The following CLEC10A variants were observed in gnomAD, a reference collection of about 807,000 sequenced individuals.
CLEC10A encodes C-type lectin domain containing 10A, also known as C-type lectin domain family 10 member A.
CLEC10A carries 38 observed loss-of-function variants against 42.0 expected under a neutral mutation model. The ratio of observed to expected loss-of-function variants is 0.90; its 90% CI spans 0.70 to 1.18. CLEC10A has a LOEUF of 1.18. Ranked by LOEUF, CLEC10A falls within the 50% of genes most tolerant of loss-of-function variation. The pLI, the probability that CLEC10A is intolerant of heterozygous loss-of-function variation, is 0.00. For synonymous variants in CLEC10A, 126 were observed against 139.9 expected, an observed-to-expected ratio of 0.90 and a Z score of 0.70; for missense variants, 298 against 345.9, an observed-to-expected ratio of 0.86 and a Z score of 1.10.
In CLEC10A at chr17:7,078,132, T is replaced by C. The variant is rs1315536748; in HGVS notation, c.68-19A>G. ...AGTGGCCCTGCAAGAGGAGAGAGTG[T>C]CAGGATGAGGAGGGTCCAGACACCG... On this transcript the variant is annotated intron_variant, in intron 2 of 8. Coordinates refer to ENST00000416562, the MANE Select transcript of CLEC10A (RefSeq NM_001330070.2). 2 of 1,580,912 alleles carry C rather than the reference T, an allele frequency of 1.3e-6. No individual in the cohort carries two copies. Among genetic ancestry groups the C allele is most frequent in the African/African-American group, 2.7e-5 (2 of 73,326 alleles).
intron 5 of CLEC10A, 40 bp from the exon 6 acceptor site, chr17:7,076,111 GGT>G (rs749763987): frequency 1.2e-6 from 2 of 1,614,118 alleles, no homozygotes; most frequent in Admixed American, 3.3e-5. Flanking sequence ...CAGTGGCCTA[GGT>G]GTGCCTTCTG....
chr17:7,075,146 G>C lies in CLEC10A; in HGVS notation c.778C>G (p.Pro260Ala). Residue 260 changes from proline to alanine, a missense_variant, in exon 9 of 9, where the codon CCA (proline) becomes GCA (alanine). Pro to Ala is a conservative substitution (Grantham distance 27). This residue lies in a region of CLEC10A where 267 missense variants were observed against 289.5 expected (regional missense o/e 0.92). Transcript: ENST00000416562. Reference protein sequence around the residue: ...GGGEDCAHFHPDGRWNDDVCQ... With the variant: ...GGGEDCAHFHADGRWNDDVCQ... ...ACGTCGTCATTCCACCTGCCGTCTG[G>C]ATGGAAGTGAGCACAGTCCTCGCCT... 6.2e-7 allele frequency: 1 copy of C among 1,608,804 alleles called. No individual in the cohort carries two copies. The highest frequency in any genetic ancestry group is 1.7e-4 in the Middle Eastern group (1 of 6,038).
intron 1 of CLEC10A, 32 bp from the exon 2 acceptor site, chr17:7,078,917 G>A (rs931945086): frequency 3.0e-6 from 3 of 1,014,846 alleles, no homozygotes; most frequent in Non-Finnish European, 4.7e-6. Context: ...CTAAGTTGGA[G>A]CCAAGGGCAG....
Position 7,074,949 on chromosome 17 carries a change from C to T in CLEC10A, c.*105G>A. 1.2e-6 allele frequency: 1 copy of T among 858,848 alleles called. No homozygotes were observed. The highest frequency in any genetic ancestry group is 3.0e-5 in the East Asian group (1 of 33,800). The allele number at this position is 858,848 out of a possible 1,614,324, so 53.2% of individuals were successfully genotyped here. On this transcript the variant is annotated 3_prime_UTR_variant, in exon 9 of 9. Coordinates refer to ENST00000416562, the MANE Select transcript of CLEC10A (RefSeq NM_001330070.2). ...TCAAAATGTTAGCAGTGCTTCCAAT[C>T]TCCCAGTGCTTATTTCTCTCCCAGA...
At chr17:7,075,263 G>A (rs2151683212) in intron 8 of CLEC10A, 41 bp from the exon 9 acceptor site, 1 of 1,511,172 alleles carries the variant, frequency 6.6e-7, no homozygotes, top group Non-Finnish European at 8.8e-7. Flanking sequence ...AGGGTAGATG[G>A]AGTAGAATTC....
chr17:7,078,756 C>A lies in CLEC10A; in HGVS notation c.57G>T (p.Gly19=), dbSNP rs2151688672. ...QYLENKVKVQ[G]FKNGPLPLQS... ...CCCCTTTCCTCTTACCATTTTTAAA[C>A]CCCTGGACTTTCACCTTATTCTCCA... Residue 19 remains glycine (G), a synonymous_variant, in exon 2 of 9, where the codon GGG becomes GGT. Transcript: ENST00000416562. 6.2e-7 allele frequency: 1 copy of A among 1,614,092 alleles called. No homozygotes were observed. Among genetic ancestry groups the A allele is most frequent in the African/African-American group, 1.3e-5 (1 of 75,040 alleles).
Position 7,074,946 on chromosome 17 carries a change from A to G in CLEC10A, c.*108T>C. The G allele has an allele frequency of 1.2e-6, 1 of 830,118 alleles. No individual in the cohort carries two copies. Among genetic ancestry groups the G allele is most frequent in the Non-Finnish European group, 1.7e-6 (1 of 573,172 alleles). The allele number at this position is 830,118 out of a possible 1,614,324, so 51.4% of individuals were successfully genotyped here. A position where few individuals can be genotyped will look rare whatever the true frequency, so the allele number is the denominator to read the frequency against. ...AATTCAAAATGTTAGCAGTGCTTCC[A>G]ATCTCCCAGTGCTTATTTCTCTCCC... On this transcript the variant is annotated 3_prime_UTR_variant, in exon 9 of 9. Transcript: ENST00000416562.
rs1477592831 is a variant in CLEC10A at position 7,078,196 on chromosome 17, G to A, written c.68-83C>T. 2.4e-5 allele frequency: 25 copies of A among 1,051,762 alleles called. No individual in the cohort carries two copies. In the East Asian group the frequency reaches 5.6e-4, roughly 24 times the overall value. 65.2% of individuals were successfully genotyped at this position (1,051,762 alleles called of 1,614,324 possible). ...GAGAGGGCCCAGGGAGCTGTCTAGTGAGGAGGGCTGGGCACAGGGGACTCC... is the reference window on the plus strand; with the variant it reads ...GAGAGGGCCCAGGGAGCTGTCTAGTAAGGAGGGCTGGGCACAGGGGACTCC... On this transcript the variant is annotated intron_variant, in intron 2 of 8. Coordinates refer to ENST00000416562, the MANE Select transcript of CLEC10A (RefSeq NM_001330070.2).
At chr17:7,076,447 A>T (rs2151684964) in intron 5 of CLEC10A, among the ~76,000 whole-genome samples, 1 of 150,736 alleles carries the variant, frequency 6.6e-6, no homozygotes, top group African/African-American at 2.4e-5. Flanking sequence ...AGTAGCTGAG[A>T]TTACAGGCGC....
intron 2 of CLEC10A, among the ~76,000 whole-genome samples, 155 bp from the exon 3 acceptor site, chr17:7,078,268 C>G (rs1911975540): frequency 1.3e-5 from 2 of 152,052 alleles, no homozygotes; most frequent in African/African-American, 4.8e-5. Flanking sequence ...GATGCCCAGG[C>G]CTTTGACTTC....
At chr17:7,076,662 A>G in intron 5 of CLEC10A, 71 bp downstream of exon 5, 1 of 1,527,574 alleles carries the variant, frequency 6.5e-7, no homozygotes, top group Admixed American at 1.7e-5. Flanking sequence ...GTTCAGCACC[A>G]GGAGTCTGTT....
Position 7,074,998 on chromosome 17 carries a change from G to C in CLEC10A, c.*56C>G. On this transcript the variant is annotated 3_prime_UTR_variant, in exon 9 of 9. Coordinates refer to ENST00000416562, the MANE Select transcript of CLEC10A (RefSeq NM_001330070.2). The stretch of plus-strand genomic sequence containing the variant: ...GAGCGGTCTTGCGAGGAGGTCGTGA[G>C]AAGAGTCCTCCTCCCACCGCCATTT... 1 of 1,425,572 alleles carries C rather than the reference G, an allele frequency of 7.0e-7. No homozygotes were observed. The highest frequency in any genetic ancestry group is 9.3e-7 in the Non-Finnish European group (1 of 1,077,394). 88.3% of individuals were successfully genotyped at this position (1,425,572 alleles called of 1,614,324 possible).
chr17:7,076,519 G>A (rs577235563), intron 5 of CLEC10A, among the ~76,000 whole-genome samples: 3 of 151,338 alleles, frequency 2.0e-5, no homozygotes, highest in East Asian at 2.0e-4. Context: ...TCACCATGTC[G>A]ATCAGGCTGC....
intron 3 of CLEC10A, among the ~76,000 whole-genome samples, chr17:7,077,462 C>A (rs1464430843): frequency 1.2e-5 from 1 of 83,302 alleles, no homozygotes; most frequent in East Asian, 3.7e-4. Context: ...CAGTGCCCCC[C>A]ACCATTCCCA....
intron 1 of CLEC10A, among the ~76,000 whole-genome samples, chr17:7,079,354 A>C (rs1020510349): frequency 2.0e-5 from 3 of 152,150 alleles, no homozygotes; most frequent in African/African-American, 7.2e-5. Flanking sequence ...AGACCGAAGC[A>C]GACAGATCAC....
chr17:7,077,974 C>A (rs150260737), intron 3 of CLEC10A, 23 bp downstream of exon 3: 4 of 1,544,898 alleles, frequency 2.6e-6, no homozygotes, highest in African/African-American at 2.8e-5. Context: ...TCTCTCTTCC[C>A]TGTCCACCCC....
In CLEC10A at chr17:7,074,955, G is replaced by A; in HGVS notation, c.*99C>T. Reference sequence around the variant, plus strand: ...TGTTAGCAGTGCTTCCAATCTCCCAGTGCTTATTTCTCTCCCAGAGCGGTC... The same window carrying A: ...TGTTAGCAGTGCTTCCAATCTCCCAATGCTTATTTCTCTCCCAGAGCGGTC... On this transcript the variant is annotated 3_prime_UTR_variant, in exon 9 of 9. Transcript: ENST00000416562. 1 of 945,046 alleles carries A rather than the reference G, an allele frequency of 1.1e-6. No individual in the cohort carries two copies. The highest frequency in any genetic ancestry group is 3.0e-5 in the South Asian group (1 of 33,348). The allele number at this position is 945,046 out of a possible 1,614,324, so 58.5% of individuals were successfully genotyped here.
Position 7,075,105 on chromosome 17 carries a change from G to A in CLEC10A, c.819C>T (p.Tyr273=). 1 of 1,606,946 alleles carries A rather than the reference G, an allele frequency of 6.2e-7. No individual in the cohort carries two copies. Among genetic ancestry groups the A allele is most frequent in the South Asian group, 1.1e-5 (1 of 90,104 alleles). Residue 273 remains tyrosine, a synonymous_variant, in exon 9 of 9, where the codon TAC becomes TAT. Transcript: ENST00000416562. ...RWNDDVCQRP[Y]HWVCEAGLGQ... ...CCAGGCCAGCCTCGCAGACCCAGTG[G>A]TAGGGCCTCTGGCAGACGTCGTCAT...
rs201671664 is a variant in CLEC10A at position 7,075,502 on chromosome 17, A to G, written c.595-36T>C. Reference sequence around the variant, plus strand: ...AGAAGGGCAGTGGTGACTTCTTCCCATCCCAGCCAACTCCTTAAACTAGTG... The same window carrying G: ...AGAAGGGCAGTGGTGACTTCTTCCCGTCCCAGCCAACTCCTTAAACTAGTG... On this transcript the variant is annotated intron_variant, in intron 7 of 8. Coordinates refer to ENST00000416562, the MANE Select transcript of CLEC10A (RefSeq NM_001330070.2). 6 of 1,504,392 alleles carry G rather than the reference A, an allele frequency of 4.0e-6. No individual in the cohort carries two copies. The Admixed American group carries it at 1.2e-4, about 30-fold the overall frequency. 93.2% of individuals were successfully genotyped at this position (1,504,392 alleles called of 1,614,324 possible). A position where few individuals can be genotyped will look rare whatever the true frequency, so the allele number is the denominator to read the frequency against.
Sources: allele counts gnomAD v4.1 joint callset (sites outside exome capture counted in the v4.1 genomes callset), GRCh38; gene constraint gnomAD v4.1.1; regional missense constraint gnomAD v4.1.1; transcripts MANE v1.5; gene names NCBI Gene and HGNC (gene_info 2026-07-23, HGNC 2026-07-21).